MUC13: variants seen among roughly 807,000 people sequenced by gnomAD.
MUC13 encodes the protein mucin-13.
MUC13 carries 32 observed loss-of-function variants against 48.3 expected under a neutral mutation model. The ratio of observed to expected loss-of-function variants is 0.66; its 90% confidence interval spans 0.50 to 0.89. The LOEUF is 0.89. Ranked by LOEUF, MUC13 falls within the 40% of genes least tolerant of loss-of-function variation. The probability of loss-of-function intolerance (pLI) is 0.00; values close to 1 mark genes in which losing one functional copy is unlikely to be tolerated. For synonymous variants in MUC13, 199 were observed against 224.9 expected (o/e 0.88, Z 1.03); for missense variants, 571 against 622.8 (o/e 0.92, Z 0.88).
intron 2 of MUC13, among the ~76,000 whole-genome samples, chr3:124,925,855 T>A (rs149369579): frequency 3.1e-3 from 470 of 152,226 alleles, no homozygotes; most frequent in African/African-American, 0.011. Flanking sequence ...GCTCAAGCAA[T>A]TCACCCACCT....
Position 124,910,489 on chromosome 3 carries a change from C to T in MUC13, c.1263G>A (p.Leu421=), listed in dbSNP as rs147099165. 708 of 1,614,052 alleles carry T rather than the reference C, an allele frequency of 4.4e-4. 2 individuals are homozygous for T. The highest frequency in any genetic ancestry group is 1.4e-3 in the Admixed American group (85 of 60,016). ...SGLDCKDKFQ[L]ILTIVGTIAG... ...CGATGGTGCCCACAATAGTGAGGAT[C>T]AGCTGAAATTCTGAAAGGAAGAAGA... Residue 421 remains leucine, a synonymous_variant, in exon 10 of 12, where the codon CTG becomes CTA. Coordinates refer to ENST00000616727, the MANE Select transcript of MUC13 (RefSeq NM_033049.4).
chr3:124,929,699 C>T lies in MUC13; in HGVS notation c.53-1706G>A, dbSNP rs184054341. 6.6e-5 allele frequency among the ~76,000 whole-genome samples: 10 copies of T among 152,300 alleles called. No homozygotes were observed. The East Asian group carries it at 1.2e-3, about 18-fold the overall frequency. The stretch of plus-strand genomic sequence containing the variant: ...ATCTATCAAGCACTGGCCCTGTGCC[C>T]GACTGTACCTGTGAAGTAGACATAA... On this transcript the variant is annotated intron_variant, in intron 1 of 11. Transcript: ENST00000616727.
chr3:124,914,728 A>G (rs1002796858), intron 6 of MUC13, among the ~76,000 whole-genome samples: 23 of 152,188 alleles, frequency 1.5e-4, no homozygotes, highest in Admixed American at 1.5e-3. Flanking sequence ...GGAGTTCGAG[A>G]CCAGCCCAGC....
chr3:124,925,693 A>G (rs539147953), intron 2 of MUC13, among the ~76,000 whole-genome samples: 13 of 152,316 alleles, frequency 8.5e-5, no homozygotes, highest in African/African-American at 3.1e-4. Context: ...GGCTGGCTGC[A>G]ACCTCTGCCT....
At chr3:124,920,314 A>G (rs780390939) in intron 4 of MUC13, 25 bp from the exon 5 acceptor site, 1 of 1,567,580 alleles carries the variant, frequency 6.4e-7, no homozygotes, top group Non-Finnish European at 8.7e-7. Context: ...AGATTTAATA[A>G]CAAGTAAAAA....
At chr3:124,924,243 C>A (rs1419360638) in intron 2 of MUC13, among the ~76,000 whole-genome samples, 1 of 152,180 alleles carries the variant, frequency 6.6e-6, no homozygotes, top group African/African-American at 2.4e-5. Flanking sequence ...CTCTGGCTTT[C>A]TAAGTGGATC....
At chr3:124,934,434 A>C (rs1935849511) in intron 1 of MUC13, among the ~76,000 whole-genome samples, 1 of 152,220 alleles carries the variant, frequency 6.6e-6, no homozygotes, top group Non-Finnish European at 1.5e-5. Flanking sequence ...TGCTGAGATT[A>C]CAGGCGTGAG....
chr3:124,934,738 G>C lies in MUC13; in HGVS notation c.-26C>G, dbSNP rs1194688583. On this transcript the variant is annotated 5_prime_UTR_variant, in exon 1 of 12. Transcript: ENST00000616727. ...TTTAGCTGTTCTTGCTTGGTAATCT[G>C]AGGAGGAAATGATTTCCCTTCCTGG... 1 of 1,581,470 alleles carries C rather than the reference G, an allele frequency of 6.3e-7. No homozygotes were observed. The highest frequency in any genetic ancestry group is 8.7e-7 in the Non-Finnish European group (1 of 1,151,318).
At chr3:124,928,191 T>C (rs1000542601) in intron 1 of MUC13, among the ~76,000 whole-genome samples, 198 bp from the exon 2 acceptor site, 10 of 150,692 alleles carry the variant, frequency 6.6e-5, no homozygotes, top group African/African-American at 2.4e-4. Context: ...GCTGAGATTA[T>C]AGGTATGAAG....
rs577309170 is a variant in MUC13, at chr3:124,908,217, G to A, written c.1469C>T (p.Thr490Met). ...EGSVFPKVRI[T>M]ASRDSQMQNP... is the part of the protein sequence containing the mutation. ...TTGCATCTGGCTGTCTCTGGAGGCC[G>A]TTATCCTGACCTTAGGAAAGACGCT... Residue 490 changes from threonine to methionine, a missense_variant, in exon 11 of 12, where the codon ACG becomes ATG. By Grantham distance (81) the Thr-to-Met change is moderately conservative. Transcript: ENST00000616727. 1.8e-5 allele frequency: 29 copies of A among 1,614,126 alleles called. No homozygotes were observed. Among genetic ancestry groups the A allele is most frequent in the Middle Eastern group, 1.6e-4 (1 of 6,062 alleles).
intron 1 of MUC13, among the ~76,000 whole-genome samples, chr3:124,929,101 T>G (rs974457370): frequency 2.0e-5 from 3 of 152,146 alleles, no homozygotes; most frequent in Admixed American, 6.5e-5. Context: ...TTTTCACAAC[T>G]TTTAGGAACC....
At chr3:124,915,784 T>C (rs1206450530) in intron 6 of MUC13, among the ~76,000 whole-genome samples, 1 of 152,074 alleles carries the variant, frequency 6.6e-6, no homozygotes, top group Non-Finnish European at 1.5e-5. Context: ...CTCCTGGGCT[T>C]ATGCAATCCT....
chr3:124,908,372 G>T, intron 10 of MUC13, 24 bp from the exon 11 acceptor site: 1 of 1,588,362 alleles, frequency 6.3e-7, no homozygotes, highest in South Asian at 1.1e-5. Flanking sequence ...GAGGAATTAG[G>T]ATTTGACAAT....
In MUC13 at chr3:124,910,421, G is replaced by A. The variant is rs1935399573; in HGVS notation, c.1331C>T (p.Thr444Ile). ...GGACACTTTCATCCCATACCTTGCT[G>A]TGACAATCAATGCAATTATCATGCT... ...ILSMIIALIV[T>I]ARSNNKTKHI... The change falls in exon 10 of 12, where the codon ACA becomes ATA. Residue 444 changes from threonine (T) to isoleucine (I), a missense_variant. Transcript: ENST00000616727. 1 of 1,613,814 alleles carries A rather than the reference G, an allele frequency of 6.2e-7. No individual in the cohort carries two copies. The highest frequency in any genetic ancestry group is 2.2e-5 in the East Asian group (1 of 44,892).
chr3:124,919,197 C>T (rs1457616631), intron 5 of MUC13, among the ~76,000 whole-genome samples: 2 of 151,508 alleles, frequency 1.3e-5, no homozygotes, highest in Non-Finnish European at 2.9e-5. Context: ...TTAGGCTGGG[C>T]GTGGTGGTGC....
chr3:124,927,547 T>C lies in MUC13; in HGVS notation c.499A>G (p.Thr167Ala). The C allele has an allele frequency of 1.2e-6, 2 of 1,614,152 alleles. No homozygotes were observed. The highest frequency in any genetic ancestry group is 1.7e-6 in the Non-Finnish European group (2 of 1,180,004). The change falls in exon 2 of 12, where the codon ACC becomes GCC. Residue 167 changes from threonine to alanine, a missense_variant. By Grantham distance (58) the Thr-to-Ala change is moderately conservative. Coordinates refer to ENST00000616727, the MANE Select transcript of MUC13 (RefSeq NM_033049.4). ...TTGTCCTTACCTGTGCTGTTTAGGG[T>C]GCTGGTCTCCAATAAAGCGGTGCCA... ...PTGTALLETS[T>A]LNSTGPSNPC...
At chr3:124,910,600 G>T in intron 9 of MUC13, 101 bp from the exon 10 acceptor site, 1 of 1,522,232 alleles carries the variant, frequency 6.6e-7, no homozygotes, top group Non-Finnish European at 8.9e-7. Flanking sequence ...CTGTGAAGAC[G>T]ATCAGGTTCT....
rs554777754 is a variant in MUC13, at chr3:124,920,233, C to T, written c.800+1G>A. On this transcript the variant is annotated splice_donor_variant, in intron 5 of 11. Coordinates refer to ENST00000616727, the MANE Select transcript of MUC13 (RefSeq NM_033049.4). LOFTEE classifies it high-confidence loss of function. ...TCCAAAATTGTCCATAACAAACTTACCTTACAGTAAGAATTACAGTCTGTC... is the reference window on the plus strand; with the variant it reads ...TCCAAAATTGTCCATAACAAACTTATCTTACAGTAAGAATTACAGTCTGTC... The T allele has an allele frequency of 4.4e-6, 7 of 1,604,156 alleles. No homozygotes were observed. Among genetic ancestry groups the T allele is most frequent in the South Asian group, 2.2e-5 (2 of 89,518 alleles).
chr3:124,909,971 C>G (rs1317702155), intron 10 of MUC13, among the ~76,000 whole-genome samples: 1 of 152,018 alleles, frequency 6.6e-6, no homozygotes. Context: ...AGAAATAAAT[C>G]TGGAAGGTTA....
Sources: gnomAD v4.1 joint callset for allele counts (sites outside exome capture counted in the v4.1 genomes callset) on GRCh38, gnomAD v4.1.1 for gene constraint, MANE v1.5 for transcripts, NCBI Gene and HGNC (gene_info 2026-07-23, HGNC 2026-07-21) for gene names.